The following MPDZ variants were observed in gnomAD, a reference collection of about 807,000 sequenced individuals.
The protein encoded by MPDZ is multiple PDZ domain crumbs cell polarity complex component, also known as multiple PDZ domain protein.
MPDZ carries 234 observed loss-of-function variants against 239.1 expected under a neutral mutation model. The ratio of observed to expected loss-of-function variants is 0.98; its 90% CI spans 0.88 to 1.09. The LOEUF (loss-of-function observed/expected upper bound fraction) is 1.09. MPDZ is among the 50% of genes least tolerant of loss of function. The pLI is 0.00. For synonymous variants in MPDZ, 1,048 were observed against 881.3 expected (o/e 1.19, Z -3.35); for missense variants, 3,175 against 2,510.0 (o/e 1.26, Z -5.66).
rs763065236 is a variant in MPDZ, at chr9:13,222,345, G to C, written c.635C>G (p.Ala212Gly). The C allele has an allele frequency of 1.2e-6, 2 of 1,612,992 alleles. No individual in the cohort carries two copies. The highest frequency in any genetic ancestry group is 1.1e-5 in the South Asian group (1 of 91,060). ...HQQAISILQK[A>G]KDTVQLVIAR... is the part of the protein sequence containing the mutation. Reference sequence around the variant, plus strand: ...AATAACTAGCTGGACAGTATCTTTGGCTTTCTGCAGGATGCTGATAGCCTG... The same window carrying C: ...AATAACTAGCTGGACAGTATCTTTGCCTTTCTGCAGGATGCTGATAGCCTG... Residue 212 changes from alanine (A) to glycine (G), a missense_variant, in exon 6 of 47, where the codon GCC (alanine) becomes GGC (glycine). Coordinates refer to ENST00000319217, the MANE Select transcript of MPDZ (RefSeq NM_001378778.1).
intron 1 of MPDZ, among the ~76,000 whole-genome samples, chr9:13,277,454 A>G (rs1241846831): frequency 6.6e-6 from 1 of 152,224 alleles, no homozygotes; most frequent in Non-Finnish European, 1.5e-5. Flanking sequence ...ACCCAAAACT[A>G]GTTTTGCCTA....
chr9:13,258,841 C>G (rs1452792198), intron 1 of MPDZ, among the ~76,000 whole-genome samples: 1 of 152,060 alleles, frequency 6.6e-6, no homozygotes, highest in Non-Finnish European at 1.5e-5. Flanking sequence ...TTTTGCCCAC[C>G]AAAATGAAAG....
intron 32 of MPDZ, among the ~76,000 whole-genome samples, chr9:13,129,024 G>T (rs538959170): frequency 1.3e-5 from 2 of 152,126 alleles, no homozygotes; most frequent in African/African-American, 4.8e-5. Context: ...GATGGAATTA[G>T]TTCATTTTTT....
chr9:13,110,791 G>A, intron 43 of MPDZ, 51 bp from the exon 44 acceptor site: 1 of 1,315,374 alleles, frequency 7.6e-7, no homozygotes, highest in South Asian at 1.3e-5. Context: ...CATGGAGAGT[G>A]GGTCTTTGAG....
intron 19 of MPDZ, 28 bp downstream of exon 19, chr9:13,183,390 A>G: frequency 1.3e-6 from 2 of 1,569,678 alleles, no homozygotes; most frequent in Non-Finnish European, 1.7e-6. Flanking sequence ...ACTTTCCTAT[A>G]AAAGAAAAAT....
Position 13,188,882 on chromosome 9 carries a change from C to A in MPDZ, c.2266G>T (p.Asp756Tyr). ...LPGDRLMFVN[D>Y]VNLENSSLEE... is the part of the protein sequence containing the mutation. The stretch of plus-strand genomic sequence containing the variant: ...AGACTGCTGTTTTCCAAGTTAACAT[C>A]GTTTACAAACATGAGTCGGTCACCA... Residue 756 changes from aspartate to tyrosine, a missense_variant, in exon 17 of 47, where the codon GAT becomes TAT. Transcript: ENST00000319217. The A allele has an allele frequency of 6.2e-7, 1 of 1,613,562 alleles. No homozygotes were observed. Among genetic ancestry groups the A allele is most frequent in the Middle Eastern group, 1.7e-4 (1 of 6,058 alleles).
At position 13,177,415 on chromosome 9, in the gene MPDZ, T is replaced by C. The variant is rs116727257; in HGVS notation, c.2650-998A>G. 4.9e-3 allele frequency among the ~76,000 whole-genome samples: 747 copies of C among 152,288 alleles called. 6 individuals are homozygous for C. The highest frequency in any genetic ancestry group is 0.017 in the African/African-American group (721 of 41,570). ...AAATGGCTAGCATCAGTTAGGTGTT[T>C]ATCCATCAAATTTTTAATGCATTTG... On this transcript the variant is annotated intron_variant, in intron 19 of 46. Transcript: ENST00000319217.
chr9:13,208,559 T>G (rs191316072), intron 10 of MPDZ, among the ~76,000 whole-genome samples: 1 of 151,746 alleles, frequency 6.6e-6, no homozygotes, highest in East Asian at 1.9e-4. Flanking sequence ...AATAAACATT[T>G]TAAAAACTCA....
rs536903008 is a variant in MPDZ, at chr9:13,156,731, CCTAT to C, written c.3452+1283_3452+1286del. On this transcript the variant is annotated intron_variant, in intron 24 of 46. Transcript: ENST00000319217. The stretch of plus-strand genomic sequence containing the variant: ...TAATATTGTTACTAAAACTGACCAA[CCTAT>C]CTTTTTTTCCTGTGATTACTGTCCT... Among the ~76,000 whole-genome samples the C allele has an allele frequency of 2.2e-3, 336 of 152,302 alleles. 1 individual carries two copies. The highest frequency in any genetic ancestry group is 7.5e-3 in the African/African-American group (313 of 41,568).
chr9:13,208,357 T>C (rs1957225935), intron 10 of MPDZ, among the ~76,000 whole-genome samples: 1 of 151,692 alleles, frequency 6.6e-6, no homozygotes, highest in South Asian at 2.1e-4. Context: ...GTTGAGAGGA[T>C]CACTTAAGCC....
rs1967610034 is a variant in MPDZ, at chr9:13,250,361, T to G, written c.-46A>C. On this transcript the variant is annotated 5_prime_UTR_variant, in exon 2 of 47. Transcript: ENST00000319217. ...CTTCTCTGAAATGATTAACAGCAAT[T>G]AAAATGGAACTCTGTGCAAAAAAGA... is the stretch of plus-strand genomic sequence containing the variant. 2.0e-6 allele frequency: 3 copies of G among 1,537,086 alleles called. No individual in the cohort carries two copies. The highest frequency in any genetic ancestry group is 2.7e-6 in the Non-Finnish European group (3 of 1,128,718).
chr9:13,259,920 G>A (rs1292981060), intron 1 of MPDZ, among the ~76,000 whole-genome samples: 4 of 151,992 alleles, frequency 2.6e-5, no homozygotes, highest in African/African-American at 9.7e-5. Flanking sequence ...TGCAACCTCC[G>A]CCTCCCAGGT....
chr9:13,220,596 A>G (rs1261832456), intron 7 of MPDZ, among the ~76,000 whole-genome samples: 1 of 152,012 alleles, frequency 6.6e-6, no homozygotes, highest in Non-Finnish European at 1.5e-5. Flanking sequence ...AATGTTTAAA[A>G]GGAAGAAAAA....
chr9:13,122,616 G>A lies in MPDZ; in HGVS notation c.4954-446C>T, dbSNP rs1240449560. Among the ~76,000 whole-genome samples the A allele has an allele frequency of 2.2e-4, 33 of 150,750 alleles. 1 individual carries two copies. The highest frequency in any genetic ancestry group is 2.0e-3 in the Admixed American group (30 of 15,116). ...GCTCACTGCAACCTCTGCCTCCCAC[G>A]TTCAAGAGATTCTCCTGCCTCAACC... On this transcript the variant is annotated intron_variant, in intron 36 of 46. Coordinates refer to ENST00000319217, the MANE Select transcript of MPDZ (RefSeq NM_001378778.1).
chr9:13,263,811 A>T (rs887795632), intron 1 of MPDZ, among the ~76,000 whole-genome samples: 2 of 152,232 alleles, frequency 1.3e-5, no homozygotes, highest in African/African-American at 4.8e-5. Flanking sequence ...ATCCCAAGAC[A>T]GTATAAATAT....
intron 3 of MPDZ, among the ~76,000 whole-genome samples, chr9:13,246,574 A>T (rs1362621852): frequency 6.6e-6 from 1 of 152,258 alleles, no homozygotes; most frequent in African/African-American, 2.4e-5. Context: ...TTACTATAGA[A>T]AGGTATTTGT....
At chr9:13,279,198 G>C (rs1299067015) in intron 1 of MPDZ, 2 of 146,242 alleles carry the variant, frequency 1.4e-5, no homozygotes, top group African/African-American at 5.0e-5. Flanking sequence ...GCCGGGCCGC[G>C]CGGGGTGGGG....
intron 1 of MPDZ, among the ~76,000 whole-genome samples, chr9:13,255,975 T>C: frequency 6.6e-6 from 1 of 152,210 alleles, no homozygotes; most frequent in East Asian, 1.9e-4. Context: ...TTCAATATAA[T>C]GCTGTTTTAT....
chr9:13,214,087 T>C (rs1193632397), intron 10 of MPDZ, among the ~76,000 whole-genome samples: 1 of 151,760 alleles, frequency 6.6e-6, no homozygotes, highest in Non-Finnish European at 1.5e-5. Flanking sequence ...CCAAGAAAAA[T>C]GAAAACATAT....
Sources: allele counts gnomAD v4.1 joint callset (sites outside exome capture counted in the v4.1 genomes callset), GRCh38; gene constraint gnomAD v4.1.1; transcripts MANE v1.5; gene names NCBI Gene and HGNC (gene_info 2026-07-23, HGNC 2026-07-21).